ANO5: variants seen among roughly 807,000 people sequenced by gnomAD.
The protein encoded by ANO5 is anoctamin 5, also known as anoctamin-5.
ANO5 carries 109 observed loss-of-function variants against 121.0 expected under a neutral mutation model. The ratio of observed to expected loss-of-function variants is 0.90; its 90% CI spans 0.77 to 1.06. The LOEUF (loss-of-function observed/expected upper bound fraction) is 1.06, where lower values mean the gene tolerates loss of function less well. Ranked by LOEUF, ANO5 falls within the 50% of genes least tolerant of loss-of-function variation. The pLI is 0.00. For missense variants in ANO5, 1,064 were observed against 1,078.5 expected, an observed-to-expected ratio of 0.99 and a Z score of 0.19; for synonymous variants, 406 against 359.9, an observed-to-expected ratio of 1.13 and a Z score of -1.45.
At chr11:22,208,249 A>C (rs1852178074) in intron 2 of ANO5, among the ~76,000 whole-genome samples, 1 of 152,072 alleles carries the variant, frequency 6.6e-6, no homozygotes, top group Non-Finnish European at 1.5e-5. Flanking sequence ...CAGCAGCTTT[A>C]TTTGTAGTAG....
intron 20 of ANO5, among the ~76,000 whole-genome samples, chr11:22,275,510 C>G (rs1394914900): frequency 6.6e-6 from 1 of 151,858 alleles, no homozygotes; most frequent in Non-Finnish European, 1.5e-5. Flanking sequence ...TTCTGGATGT[C>G]ATTACCCCTT....
chr11:22,250,871 A>T (rs1451342452), intron 11 of ANO5, 25 bp downstream of exon 11: 1 of 1,611,688 alleles, frequency 6.2e-7, no homozygotes, highest in East Asian at 2.2e-5. Flanking sequence ...TAACATGTTG[A>T]AAAGACTTGG....
intron 7 of ANO5, among the ~76,000 whole-genome samples, chr11:22,233,439 T>C (rs1853110275): frequency 6.6e-6 from 1 of 150,542 alleles, no homozygotes; most frequent in African/African-American, 2.5e-5. Flanking sequence ...CCGTAAGCTT[T>C]CCCAGGTTCC....
chr11:22,215,745 G>A (rs1444665009), intron 3 of ANO5, among the ~76,000 whole-genome samples: 3 of 151,880 alleles, frequency 2.0e-5, no homozygotes, highest in Non-Finnish European at 4.4e-5. Flanking sequence ...TAAGTGTGTA[G>A]TTTGATGAGT....
At chr11:22,211,410 T>C in intron 3 of ANO5, 96 bp downstream of exon 3, 1 of 1,358,082 alleles carries the variant, frequency 7.4e-7, no homozygotes, top group Non-Finnish European at 1.1e-6. Context: ...GTTCAGTTAT[T>C]TGACATGCTC....
intron 18 of ANO5, among the ~76,000 whole-genome samples, chr11:22,271,456 G>T (rs1050639001): frequency 6.6e-6 from 1 of 152,290 alleles, no homozygotes. Flanking sequence ...GTGATACATG[G>T]ATTGAAATAT....
In ANO5 at chr11:22,211,290, C is replaced by T; in HGVS notation, c.114C>T (p.Ser38=). 1 of 1,612,200 alleles carries T rather than the reference C, an allele frequency of 6.2e-7. No individual in the cohort carries two copies. The highest frequency in any genetic ancestry group is 8.5e-7 in the Non-Finnish European group (1 of 1,178,682). The change falls in exon 3 of 22, where the codon AGC becomes AGT. Residue 38 remains serine (S), a synonymous_variant. Coordinates refer to ENST00000324559, the MANE Select transcript of ANO5 (RefSeq NM_213599.3). ...AGAGCCTGAGCAGCAGAGAGACCAG[C>T]TTTCTCATCAATGAAGAAACAATGG... ...SEQSLSSRET[S]FLINEETMPA... is the part of the protein sequence containing the mutation.
At chr11:22,228,988 A>C (rs977931909) in intron 7 of ANO5, among the ~76,000 whole-genome samples, 3 of 151,956 alleles carry the variant, frequency 2.0e-5, no homozygotes, top group Non-Finnish European at 2.9e-5. Flanking sequence ...CCCTTTAGGC[A>C]TATACCCAGT....
intron 9 of ANO5, 59 bp from the exon 10 acceptor site, chr11:22,250,178 A>C (rs1311650469): frequency 6.8e-7 from 1 of 1,467,278 alleles, no homozygotes; most frequent in African/African-American, 1.4e-5. Context: ...ATACAAAATC[A>C]AGGCTCCAGA....
At chr11:22,210,453 C>T (rs1286226969) in intron 2 of ANO5, among the ~76,000 whole-genome samples, 2 of 151,830 alleles carry the variant, frequency 1.3e-5, no homozygotes, top group Non-Finnish European at 2.9e-5. Context: ...ATTATTTGGG[C>T]ATAATGAGAT....
intron 9 of ANO5, among the ~76,000 whole-genome samples, chr11:22,241,563 C>A (rs1332382298): frequency 1.3e-5 from 2 of 151,912 alleles, no homozygotes; most frequent in African/African-American, 4.8e-5. Flanking sequence ...TCTGATATTT[C>A]TTGACTTTTT....
rs1372961456 is a variant in ANO5, at chr11:22,279,727, G to A, written c.2704G>A (p.Glu902Lys). The A allele has an allele frequency of 1.2e-6, 2 of 1,612,816 alleles. No individual in the cohort carries two copies. Among genetic ancestry groups the A allele is most frequent in the Non-Finnish European group, 1.7e-6 (2 of 1,179,176 alleles). Residue 902 changes from glutamate (E) to lysine (K), a missense_variant, in exon 22 of 22, where the codon GAG becomes AAG. Glu to Lys is a moderately conservative substitution (Grantham distance 56, BLOSUM62 1). Coordinates refer to ENST00000324559, the MANE Select transcript of ANO5 (RefSeq NM_213599.3). ...SNEFAKHVMI[E>K]ENKAQLAKST... ...TGAATTTGCCAAGCATGTCATGATTGAGGAAAACAAAGCACAGCTGGCTAA... is the reference window on the plus strand; with the variant it reads ...TGAATTTGCCAAGCATGTCATGATTAAGGAAAACAAAGCACAGCTGGCTAA...
chr11:22,229,356 C>A (rs909044773), intron 7 of ANO5, among the ~76,000 whole-genome samples: 1 of 151,794 alleles, frequency 6.6e-6, no homozygotes, highest in African/African-American at 2.4e-5. Context: ...GAATAGTCAA[C>A]AAAATGTGAT....
At position 22,270,310 on chromosome 11, in the gene ANO5, A is replaced by C. The variant is rs1379042100; in HGVS notation, c.1899-2A>C. On this transcript the variant is annotated splice_acceptor_variant, in intron 17 of 21. Coordinates refer to ENST00000324559, the MANE Select transcript of ANO5 (RefSeq NM_213599.3). LOFTEE classifies it high-confidence loss of function. The stretch of plus-strand genomic sequence containing the variant: ...TATATTAACTTTTATCACTTCCAAC[A>C]GCTTGGCTTTGAATTGGTGGAGACG... The C allele has an allele frequency of 6.2e-7, 1 of 1,614,098 alleles. No individual in the cohort carries two copies. The highest frequency in any genetic ancestry group is 1.7e-5 in the Admixed American group (1 of 60,024).
intron 2 of ANO5, among the ~76,000 whole-genome samples, chr11:22,207,642 A>G (rs1193993425): frequency 1.3e-5 from 2 of 152,140 alleles, no homozygotes; most frequent in Non-Finnish European, 2.9e-5. Context: ...TCATATCTGC[A>G]AACAAAAACA....
At chr11:22,257,831 A>G (rs1854055078) in intron 14 of ANO5, 77 bp downstream of exon 14, 1 of 1,230,726 alleles carries the variant, frequency 8.1e-7, no homozygotes, top group Non-Finnish European at 1.2e-6. Flanking sequence ...GTTACCTACA[A>G]TGTCTCTTGA....
At chr11:22,245,072 G>A (rs1276386985) in intron 9 of ANO5, among the ~76,000 whole-genome samples, 1 of 152,192 alleles carries the variant, frequency 6.6e-6, no homozygotes, top group African/African-American at 2.4e-5. Context: ...CCAAGGCTCT[G>A]TACAGGGTCT....
intron 21 of ANO5, chr11:22,277,706 T>G (rs916522470): frequency 5.3e-5 from 8 of 151,636 alleles, no homozygotes; most frequent in Admixed American, 5.3e-4. Flanking sequence ...TTAGATCACC[T>G]TTCAGCCAGT....
At chr11:22,276,747 G>A (rs1854867507) in intron 21 of ANO5, among the ~76,000 whole-genome samples, 1 of 150,520 alleles carries the variant, frequency 6.6e-6, no homozygotes, top group Admixed American at 6.6e-5. Context: ...TGCAAGAAAA[G>A]GTAAACAATA....
Sources: gnomAD v4.1 joint callset for allele counts (sites outside exome capture counted in the v4.1 genomes callset) on GRCh38, gnomAD v4.1.1 for gene constraint, MANE v1.5 for transcripts, NCBI Gene and HGNC (gene_info 2026-07-23, HGNC 2026-07-21) for gene names.